Variants in NTF3 observed in about 807,000 individuals in gnomAD.
NTF3 encodes the protein neurotrophin 3, also known as neurotrophin-3.
In NTF3, 8 loss-of-function variants were observed where a neutral mutation model predicts 26.3. The observed-to-expected ratio is 0.30, with a 90% CI of 0.18 to 0.55. The LOEUF (loss-of-function observed/expected upper bound fraction) is 0.55, where lower values mean the gene tolerates loss of function less well. Among genes scored for constraint, NTF3 ranks in the 20% least tolerant of loss-of-function variants. The pLI is 0.93. For synonymous variants in NTF3, 154 were observed against 145.5 expected (o/e 1.06, Z -0.42); for missense variants, 276 against 352.9 (o/e 0.78, Z 1.75).
At chr12:5,476,865 T>C (rs1940730855) in intron 1 of NTF3, among the ~76,000 whole-genome samples, 1 of 152,218 alleles carries the variant, frequency 6.6e-6, no homozygotes, top group Non-Finnish European at 1.5e-5. Context: ...ATGATGTATA[T>C]TAAACCATCC....
At chr12:5,459,618 C>T (rs1940501001) in intron 1 of NTF3, among the ~76,000 whole-genome samples, 1 of 152,160 alleles carries the variant, frequency 6.6e-6, no homozygotes, top group Non-Finnish European at 1.5e-5. Flanking sequence ...TTCTTTACAC[C>T]TGCAGTTGCA....
At chr12:5,492,792 G>A (rs1426092411) in intron 1 of NTF3, among the ~76,000 whole-genome samples, 1 of 152,190 alleles carries the variant, frequency 6.6e-6, no homozygotes, top group Non-Finnish European at 1.5e-5. Flanking sequence ...TGGGAAAGAG[G>A]CTGTCTGTGA....
At chr12:5,460,736 C>G (rs755256842) in intron 1 of NTF3, among the ~76,000 whole-genome samples, 4 of 152,234 alleles carry the variant, frequency 2.6e-5, no homozygotes, top group African/African-American at 7.2e-5. Context: ...TCATTCTCCC[C>G]TCTTTCCACA....
At chr12:5,469,972 T>C (rs1940643683) in intron 1 of NTF3, among the ~76,000 whole-genome samples, 1 of 152,188 alleles carries the variant, frequency 6.6e-6, no homozygotes, top group African/African-American at 2.4e-5. Context: ...TCACCCAGGC[T>C]AGAGTGCAAT....
Position 5,494,043 on chromosome 12 carries a change from A to G in NTF3, c.19-151A>G. 3.0e-6 allele frequency: 2 copies of G among 657,500 alleles called. No homozygotes were observed. Among genetic ancestry groups the G allele is most frequent in the Admixed American group, 2.9e-5 (1 of 34,596 alleles). 40.7% of individuals were successfully genotyped at this position (657,500 alleles called of 1,614,324 possible). A position where few individuals can be genotyped will look rare whatever the true frequency, so the allele number is the denominator to read the frequency against. ...GGTGGGGGAAAGAAATCACCTCTTC[A>G]GAATGTCCAGAGGGGAGTTGCCTTG... On this transcript the variant is annotated intron_variant, in intron 1 of 1. Transcript: ENST00000423158. The surrounding 1 kb of genome is among the most constrained non-coding windows in gnomAD (Gnocchi z 8.3).
In NTF3 at chr12:5,433,644, T is replaced by A. The variant is rs1325845585; in HGVS notation, c.18+1302T>A. On this transcript the variant is annotated intron_variant, in intron 1 of 1. Coordinates refer to ENST00000423158, the MANE Select transcript of NTF3 (RefSeq NM_001102654.2). The surrounding 1 kb of genome is among the most constrained non-coding windows in gnomAD (Gnocchi z 4.6). ...TGTCGGGGCTGTGGACTAGAAAGGA[T>A]CCCTTTTGCTGGAATCGAGGCTGGG... is the stretch of plus-strand genomic sequence containing the variant. Among the ~76,000 whole-genome samples, 2 of 152,016 alleles carry A rather than the reference T, an allele frequency of 1.3e-5. No homozygotes were observed. Among genetic ancestry groups the A allele is most frequent in the Admixed American group, 6.5e-5 (1 of 15,272 alleles).
rs140999365 is a variant in NTF3, at chr12:5,449,907, G to C, written c.18+17565G>C. 1.9e-3 allele frequency among the ~76,000 whole-genome samples: 296 copies of C among 152,314 alleles called. 3 individuals carry two copies. Among genetic ancestry groups the C allele is most frequent in the African/African-American group, 7.0e-3 (290 of 41,576 alleles). On this transcript the variant is annotated intron_variant, in intron 1 of 1. Transcript: ENST00000423158. ...TCTGATGATTTCTTCTCCTCCAGGAGGCAGGAATCCAAGGCTTATAAACCA... is the reference window on the plus strand; with the variant it reads ...TCTGATGATTTCTTCTCCTCCAGGACGCAGGAATCCAAGGCTTATAAACCA...
At chr12:5,480,155 G>A (rs751299553) in intron 1 of NTF3, among the ~76,000 whole-genome samples, 7 of 152,174 alleles carry the variant, frequency 4.6e-5, no homozygotes, top group Non-Finnish European at 1.0e-4. Context: ...GCATGGGGTT[G>A]TGCTCTGTAT....
chr12:5,462,822 G>T (rs777253318), intron 1 of NTF3, among the ~76,000 whole-genome samples: 3 of 152,122 alleles, frequency 2.0e-5, no homozygotes, highest in Non-Finnish European at 4.4e-5. Context: ...TTCTTTTTGC[G>T]CACACTGCAT....
At chr12:5,481,110 C>T (rs566897016) in intron 1 of NTF3, among the ~76,000 whole-genome samples, 1 of 152,162 alleles carries the variant, frequency 6.6e-6, no homozygotes, top group African/African-American at 2.4e-5. Context: ...GAGCGAGAGC[C>T]CTGCCTGGCT....
At chr12:5,432,554 G>A (rs557332192) in intron 1 of NTF3, among the ~76,000 whole-genome samples, 1 of 107,234 alleles carries the variant, frequency 9.3e-6, no homozygotes, top group Non-Finnish European at 1.8e-5. Context: ...CAGCCACCCC[G>A]CTACACACAC....
At chr12:5,466,173 T>A (rs1404748893) in intron 1 of NTF3, among the ~76,000 whole-genome samples, 1 of 152,188 alleles carries the variant, frequency 6.6e-6, no homozygotes, top group African/African-American at 2.4e-5. Flanking sequence ...CACCTTGTCA[T>A]CTCATCAGAG....
At chr12:5,447,739 C>T (rs1303218991) in intron 1 of NTF3, among the ~76,000 whole-genome samples, 2 of 152,178 alleles carry the variant, frequency 1.3e-5, no homozygotes, top group South Asian at 2.1e-4. Flanking sequence ...GTTGGGAAGA[C>T]GGCTCTTCTC....
intron 1 of NTF3, among the ~76,000 whole-genome samples, chr12:5,455,533 A>AACACACACACACACACAC (rs60429736): frequency 3.9e-4 from 41 of 103,800 alleles, no homozygotes; most frequent in African/African-American, 1.5e-3. Flanking sequence ...ACCCCTCCCC[A>AACACACACACACACACAC]ACACACACAC....
Position 5,452,138 on chromosome 12 carries a change from C to T in NTF3, c.18+19796C>T, listed in dbSNP as rs1050584563. On this transcript the variant is annotated intron_variant, in intron 1 of 1. Transcript: ENST00000423158. The stretch of plus-strand genomic sequence containing the variant: ...TGTTGACGGAGTCTCACTCTCTTGC[C>T]GGGCTGGAAGGCAGTGGCGCAATCT... 4.9e-4 allele frequency among the ~76,000 whole-genome samples: 72 copies of T among 147,946 alleles called. 2 individuals are homozygous for T. The highest frequency in any genetic ancestry group is 4.5e-4 in the African/African-American group (18 of 39,960).
intron 1 of NTF3, among the ~76,000 whole-genome samples, chr12:5,483,828 G>T (rs960302191): frequency 1.3e-5 from 2 of 152,242 alleles, no homozygotes; most frequent in Admixed American, 1.3e-4. Flanking sequence ...TGGAAGTGAA[G>T]TCACCCAGAG....
intron 1 of NTF3, among the ~76,000 whole-genome samples, chr12:5,453,178 G>A (rs74742793): frequency 0.13 from 20,010 of 152,260 alleles, 1,361 homozygotes; most frequent in Middle Eastern, 0.17. Context: ...TATTAAATTA[G>A]TTTTGAAAAG....
Position 5,495,013 on chromosome 12 carries a change from A to T in NTF3, c.*25A>T. The stretch of plus-strand genomic sequence containing the variant: ...AATTGGCATCTCTCCCCATATATAA[A>T]TTATTACTTTAAATTATATGATATG... On this transcript the variant is annotated 3_prime_UTR_variant, in exon 2 of 2. Coordinates refer to ENST00000423158, the MANE Select transcript of NTF3 (RefSeq NM_001102654.2). The T allele has an allele frequency of 1.3e-6, 2 of 1,578,088 alleles. No individual in the cohort carries two copies. Among genetic ancestry groups the T allele is most frequent in the Non-Finnish European group, 1.7e-6 (2 of 1,158,916 alleles).
chr12:5,473,779 C>A (rs1940692815), intron 1 of NTF3, among the ~76,000 whole-genome samples: 1 of 152,240 alleles, frequency 6.6e-6, no homozygotes. Flanking sequence ...CCATTCTGGG[C>A]AGTGGGCAAG....
Sources: allele counts gnomAD v4.1 joint callset (sites outside exome capture counted in the v4.1 genomes callset), GRCh38; gene constraint gnomAD v4.1.1; non-coding constraint Gnocchi (gnomAD v3.1); transcripts MANE v1.5; gene names NCBI Gene and HGNC (gene_info 2026-07-23, HGNC 2026-07-21).